FARP2: variants seen among roughly 807,000 people sequenced by gnomAD.
FARP2 encodes FERM, ARH/RhoGEF and pleckstrin domain protein 2.
A neutral mutation model predicts 130.5 loss-of-function variants in FARP2; 111 were observed. The observed-to-expected ratio is 0.85, with a 90% confidence interval of 0.73 to 1.00. The LOEUF (loss-of-function observed/expected upper bound fraction) is 1.00, where lower values mean the gene tolerates loss of function less well. FARP2 is among the 50% of genes least tolerant of loss of function. The pLI, the probability that FARP2 is intolerant of heterozygous loss-of-function variation, is 0.00. For missense variants in FARP2, 1,385 were observed against 1,346.3 expected (o/e 1.03, Z -0.45); for synonymous variants, 504 against 516.9 (o/e 0.98, Z 0.34).
intron 2 of FARP2, among the ~76,000 whole-genome samples, chr2:241,386,575 G>A (rs2061788899): frequency 6.6e-6 from 1 of 152,222 alleles, no homozygotes; most frequent in African/African-American, 2.4e-5. Flanking sequence ...GGGAGGTTTG[G>A]AAAGCCCCCT....
chr2:241,460,085 T>G (rs1477262184), intron 14 of FARP2, among the ~76,000 whole-genome samples: 1 of 152,140 alleles, frequency 6.6e-6, no homozygotes, highest in African/African-American at 2.4e-5. Context: ...TGACTGTGGC[T>G]AGGAAGTTGT....
chr2:241,493,491 C>T (rs753597469), intron 26 of FARP2, 47 bp downstream of exon 26: 22 of 1,579,144 alleles, frequency 1.4e-5, no homozygotes, highest in Admixed American at 6.7e-5. Flanking sequence ...TTTCGATGTC[C>T]GCTCAGCTCC....
chr2:241,383,545 A>T (rs2061711130), intron 2 of FARP2, among the ~76,000 whole-genome samples: 1 of 152,148 alleles, frequency 6.6e-6, no homozygotes, highest in African/African-American at 2.4e-5. Context: ...TTCTGCTCAC[A>T]TGGAGGGAAA....
In FARP2 at chr2:241,483,550, C is replaced by CTTG. The variant is rs1440171001; in HGVS notation, c.2331+18_2331+19insTGT. ...TTTTTTCTGGTAGGTTCTCTCCCCACTCAAGCTGTGCTTCCCCCCGAGGGG... is the reference window on the plus strand; with the variant it reads ...TTTTTTCTGGTAGGTTCTCTCCCCACTTGTCAAGCTGTGCTTCCCCCCGAGGGG... On this transcript the variant is annotated intron_variant, in intron 20 of 26. Transcript: ENST00000264042. The CTTG allele has an allele frequency of 1.2e-6, 2 of 1,611,858 alleles. No homozygotes were observed. Among genetic ancestry groups the CTTG allele is most frequent in the South Asian group, 2.2e-5 (2 of 91,038 alleles).
chr2:241,357,386 AT>A (rs1436746283), intron 1 of FARP2, among the ~76,000 whole-genome samples: 2 of 152,194 alleles, frequency 1.3e-5, no homozygotes, highest in Non-Finnish European at 2.9e-5. Flanking sequence ...GGGAGAGGAC[AT>A]TTGAGGTAGG....
chr2:241,365,970 T>C (rs2150287124), intron 1 of FARP2, among the ~76,000 whole-genome samples: 1 of 148,912 alleles, frequency 6.7e-6, no homozygotes, highest in East Asian at 1.9e-4. Context: ...TTTTGGTTTA[T>C]GCTCTTTTTT....
chr2:241,466,771 T>A, intron 17 of FARP2: 1 of 189,674 alleles, frequency 5.3e-6, no homozygotes, highest in Non-Finnish European at 9.2e-6. Context: ...CCCACTCCCC[T>A]TTGGCCTCCC....
intron 24 of FARP2, among the ~76,000 whole-genome samples, chr2:241,492,075 T>A (rs992005355): frequency 1.3e-5 from 2 of 152,196 alleles, no homozygotes; most frequent in Non-Finnish European, 2.9e-5. Context: ...GTCAGCTCTA[T>A]CTCACTGCAT....
chr2:241,361,706 T>G (rs2061190515), intron 1 of FARP2, among the ~76,000 whole-genome samples: 1 of 151,656 alleles, frequency 6.6e-6, no homozygotes, highest in Non-Finnish European at 1.5e-5. Flanking sequence ...TTAGTGGGGG[T>G]AGTTTCCTGG....
At chr2:241,433,407 A>G (rs2063141099) in intron 9 of FARP2, among the ~76,000 whole-genome samples, 1 of 152,236 alleles carries the variant, frequency 6.6e-6, no homozygotes, top group African/African-American at 2.4e-5. Context: ...TATCCTAAGG[A>G]ATAACTGAGA....
intron 11 of FARP2, among the ~76,000 whole-genome samples, 168 bp downstream of exon 11, chr2:241,435,198 A>G (rs537563664): frequency 2.0e-4 from 30 of 152,126 alleles, no homozygotes; most frequent in African/African-American, 5.3e-4. Flanking sequence ...GGCTCAAGCA[A>G]TCCTCCCACC....
intron 8 of FARP2, among the ~76,000 whole-genome samples, chr2:241,424,609 C>A (rs1205264505): frequency 6.6e-6 from 1 of 152,112 alleles, no homozygotes; most frequent in Non-Finnish European, 1.5e-5. Flanking sequence ...TAGCCAAGAT[C>A]AGAGCTGAAC....
chr2:241,465,448 T>C, intron 17 of FARP2: 1 of 1,549,470 alleles, frequency 6.5e-7, no homozygotes, highest in South Asian at 1.2e-5. Context: ...GGCTCATAGG[T>C]TTTTCTTTCA....
chr2:241,396,787 G>T (rs2062040720), intron 2 of FARP2, among the ~76,000 whole-genome samples: 1 of 152,012 alleles, frequency 6.6e-6, no homozygotes, highest in Admixed American at 6.6e-5. Context: ...GATTCCTCAG[G>T]GATCTAGAAC....
In FARP2 at chr2:241,457,482, C is replaced by T. The variant is rs528031278; in HGVS notation, c.1587+560C>T. The stretch of plus-strand genomic sequence containing the variant: ...GTACACTAGGGACCGCTTTGGGTTC[C>T]GGAGAGGCTCTTGGGCGGGAGACCC... On this transcript the variant is annotated intron_variant, in intron 14 of 26. Transcript: ENST00000264042. Among the ~76,000 whole-genome samples, 425 of 101,884 alleles carry T rather than the reference C, an allele frequency of 4.2e-3. 4 individuals carry two copies. Among genetic ancestry groups the T allele is most frequent in the African/African-American group, 0.013 (354 of 26,388 alleles). The allele number at this position is 101,884 out of a possible 152,430, so 66.8% of individuals were successfully genotyped here. A position where few individuals can be genotyped will look rare whatever the true frequency, so the allele number is the denominator to read the frequency against.
chr2:241,394,626 A>T (rs1204558589), intron 2 of FARP2, among the ~76,000 whole-genome samples: 1 of 152,184 alleles, frequency 6.6e-6, no homozygotes, highest in Non-Finnish European at 1.5e-5. Flanking sequence ...TATACAAATT[A>T]TGGAGAGTGA....
intron 1 of FARP2, among the ~76,000 whole-genome samples, chr2:241,369,770 A>G (rs868278519): frequency 6.6e-6 from 1 of 152,230 alleles, no homozygotes; most frequent in Non-Finnish European, 1.5e-5. Context: ...AAAACATCCT[A>G]TCCTTTGTTT....
chr2:241,491,341 G>A (rs1304046108), intron 23 of FARP2, among the ~76,000 whole-genome samples, 162 bp downstream of exon 23: 4 of 152,212 alleles, frequency 2.6e-5, no homozygotes, highest in Non-Finnish European at 1.5e-5. Flanking sequence ...GGGAAGAGGT[G>A]TCAATCAGCT....
At chr2:241,381,618 C>CG (rs1309886104) in intron 2 of FARP2, among the ~76,000 whole-genome samples, 1 of 152,116 alleles carries the variant, frequency 6.6e-6, no homozygotes, top group Non-Finnish European at 1.5e-5. Context: ...ATCGGCCTCA[C>CG]GTAAGGAAGC....
Sources: gnomAD v4.1 joint callset for allele counts (sites outside exome capture counted in the v4.1 genomes callset) on GRCh38, gnomAD v4.1.1 for gene constraint, MANE v1.5 for transcripts, NCBI Gene and HGNC (gene_info 2026-07-23, HGNC 2026-07-21) for gene names.